XNDC1N: variants seen among roughly 807,000 people sequenced by gnomAD.
XNDC1N encodes the protein XRCC1 N-terminal domain containing 1, N-terminal like.
At chr11:71,917,534 C>A in the XNDC1N span, 4 of 703,578 alleles carry the variant, frequency 5.7e-6, no homozygotes, top group Non-Finnish European at 1.0e-5. Context: ...ACAGTCTACA[C>A]CTAATAGCAC....
At chr11:71,919,605 G>GTT in the XNDC1N span, among the ~76,000 whole-genome samples, 14 of 10,926 alleles carry the variant, frequency 1.3e-3, no homozygotes, top group Non-Finnish European at 0.014. Flanking sequence ...GGCCAGGTTG[G>GTT]TTTTTTTTTT....
the XNDC1N span, among the ~76,000 whole-genome samples, chr11:71,906,671 G>A: frequency 6.6e-6 from 1 of 152,096 alleles, no homozygotes; most frequent in African/African-American, 2.4e-5. Flanking sequence ...ATATGACGAA[G>A]ACTATTAAAA....
At chr11:71,901,685 G>A in the XNDC1N span, among the ~76,000 whole-genome samples, 59 of 151,892 alleles carry the variant, frequency 3.9e-4, no homozygotes, top group Non-Finnish European at 5.4e-4. Flanking sequence ...CCGGGACTTC[G>A]AGTCTGGCCA....
the XNDC1N span, among the ~76,000 whole-genome samples, chr11:71,877,617 A>G: frequency 1.3e-5 from 2 of 152,232 alleles, no homozygotes; most frequent in Non-Finnish European, 2.9e-5. Context: ...CAGCCTGGGC[A>G]ACTGTGTGAG....
the XNDC1N span, among the ~76,000 whole-genome samples, chr11:71,885,917 T>G: frequency 6.6e-6 from 1 of 151,210 alleles, no homozygotes; most frequent in Non-Finnish European, 1.5e-5. Context: ...TTAATATTAA[T>G]TATCATTATT....
the XNDC1N span, among the ~76,000 whole-genome samples, chr11:71,920,204 C>T: frequency 1.3e-5 from 2 of 151,688 alleles, no homozygotes; most frequent in Admixed American, 6.6e-5. Context: ...GTGATCCGCC[C>T]GCCTCAGCCT....
the XNDC1N span, among the ~76,000 whole-genome samples, chr11:71,892,735 G>A: frequency 3.9e-5 from 6 of 151,952 alleles, no homozygotes; most frequent in Non-Finnish European, 8.8e-5. Context: ...TGGTCAGGCT[G>A]GTCTGGAACT....
chr11:71,886,764 T>A, the XNDC1N span, among the ~76,000 whole-genome samples: 4 of 151,954 alleles, frequency 2.6e-5, no homozygotes, highest in Non-Finnish European at 5.9e-5. Flanking sequence ...TAGCCAGGTG[T>A]TTGTAAACAG....
the XNDC1N span, among the ~76,000 whole-genome samples, chr11:71,873,084 T>A: frequency 7.2e-5 from 11 of 152,308 alleles, no homozygotes; most frequent in South Asian, 2.1e-4. Context: ...AACTCTACAA[T>A]GTTTCTTGCT....
chr11:71,885,679 T>G, the XNDC1N span, among the ~76,000 whole-genome samples: 572 of 152,222 alleles, frequency 3.8e-3, 4 homozygotes, highest in African/African-American at 0.013. Flanking sequence ...GGGAGTAATA[T>G]TAGTGTGAAT....
At chr11:71,904,260 C>T in the XNDC1N span, among the ~76,000 whole-genome samples, 1 of 152,156 alleles carries the variant, frequency 6.6e-6, no homozygotes, top group Non-Finnish European at 1.5e-5. Context: ...ACAGAATATA[C>T]TGTCACAGAG....
At chr11:71,902,798 AT>A in the XNDC1N span, among the ~76,000 whole-genome samples, 1 of 152,222 alleles carries the variant, frequency 6.6e-6, no homozygotes, top group African/African-American at 2.4e-5. Context: ...TGAGTTCTTA[AT>A]TTCCTTTAAT....
the XNDC1N span, among the ~76,000 whole-genome samples, chr11:71,908,905 G>A: frequency 0.055 from 8,407 of 152,182 alleles, 271 homozygotes; most frequent in African/African-American, 0.1. Context: ...CATGAAAGAG[G>A]GGATATGCAA....
chr11:71,928,474 C>T, the XNDC1N span: 1 of 702,510 alleles, frequency 1.4e-6, no homozygotes, highest in Admixed American at 2.0e-5. Flanking sequence ...CCGAGAGCTA[C>T]TCTTCCGTCT....
the XNDC1N span, among the ~76,000 whole-genome samples, chr11:71,885,330 C>G: frequency 1.3e-5 from 2 of 152,080 alleles, no homozygotes; most frequent in Non-Finnish European, 2.9e-5. Flanking sequence ...GGAACAATAT[C>G]CTTGGTGGTG....
At chr11:71,901,037 C>A in the XNDC1N span, among the ~76,000 whole-genome samples, 1 of 152,186 alleles carries the variant, frequency 6.6e-6, no homozygotes, top group African/African-American at 2.4e-5. Flanking sequence ...CCTTGTAGAA[C>A]ACAGCTAGAC....
At chr11:71,911,471 C>A in the XNDC1N span, among the ~76,000 whole-genome samples, 3 of 152,126 alleles carry the variant, frequency 2.0e-5, no homozygotes, top group Admixed American at 6.5e-5. Flanking sequence ...TTCTTCAACC[C>A]CCAAGGAGAG....
the XNDC1N span, among the ~76,000 whole-genome samples, chr11:71,920,007 G>C: frequency 1.6e-5 from 2 of 124,670 alleles, no homozygotes; most frequent in Admixed American, 2.0e-4. Context: ...GTCCAGGCTG[G>C]AGTGCAGTGG....
At chr11:71,869,304 T>C in the XNDC1N span, among the ~76,000 whole-genome samples, 3 of 152,122 alleles carry the variant, frequency 2.0e-5, no homozygotes, top group African/African-American at 7.2e-5. Context: ...ATGTGGTGTT[T>C]GGTTTTCTGT....
Sources: gnomAD v4.1 joint callset for allele counts (sites outside exome capture counted in the v4.1 genomes callset) on GRCh38, gnomAD v4.1.1 for gene constraint, MANE v1.5 for transcripts, NCBI Gene and HGNC (gene_info 2026-07-23, HGNC 2026-07-21) for gene names.